The following ABCC4 variants were observed in gnomAD, a reference collection of about 807,000 sequenced individuals.
ABCC4 encodes the protein ATP-binding cassette sub-family C member 4.
A neutral mutation model predicts 168.5 loss-of-function variants in ABCC4; 102 were observed. The observed-to-expected ratio is 0.61, with a 90% CI of 0.52 to 0.71. The LOEUF (loss-of-function observed/expected upper bound fraction) is 0.71. Among genes scored for constraint, ABCC4 ranks in the 30% least tolerant of loss-of-function variants. The pLI, the probability that ABCC4 is intolerant of heterozygous loss-of-function variation, is 0.00. For synonymous variants in ABCC4, 617 were observed against 590.7 expected (o/e 1.04, Z -0.65); for missense variants, 1,402 against 1,605.8 (o/e 0.87, Z 2.17).
intron 1 of ABCC4, among the ~76,000 whole-genome samples, chr13:95,266,666 G>A (rs566112234): frequency 3.3e-5 from 5 of 152,144 alleles, no homozygotes; most frequent in South Asian, 2.1e-4. Context: ...ACCAACAAGC[G>A]ACAGGCTCTC....
intron 19 of ABCC4, among the ~76,000 whole-genome samples, chr13:95,140,855 A>T (rs2036296466): frequency 6.6e-6 from 1 of 152,206 alleles, no homozygotes; most frequent in Non-Finnish European, 1.5e-5. Flanking sequence ...AACCTACAGG[A>T]ACAAATATTC....
rs982855138 is a variant in ABCC4, at chr13:95,115,827, G to A, written c.2535+95C>T. On this transcript the variant is annotated intron_variant, in intron 20 of 30. Coordinates refer to ENST00000645237, the MANE Select transcript of ABCC4 (RefSeq NM_005845.5). ...TTAAGTTAACATTACACACAGCCAG[G>A]CCGAGAGTCCCACCCCCAGACCCCA... The A allele has an allele frequency of 2.2e-5, 21 of 954,188 alleles. No individual in the cohort carries two copies. In the African/African-American group the frequency reaches 3.5e-4, roughly 16 times the overall value. The allele number at this position is 954,188 out of a possible 1,614,324, so 59.1% of individuals were successfully genotyped here.
At chr13:95,160,508 G>A (rs1365247344) in intron 19 of ABCC4, among the ~76,000 whole-genome samples, 1 of 152,136 alleles carries the variant, frequency 6.6e-6, no homozygotes, top group African/African-American at 2.4e-5. Context: ...GTATAGTTGG[G>A]TATACCTAGG....
At chr13:95,213,136 A>AG (rs973424016) in intron 4 of ABCC4, among the ~76,000 whole-genome samples, 7 of 151,412 alleles carry the variant, frequency 4.6e-5, no homozygotes, top group African/African-American at 1.7e-4. Flanking sequence ...TAAAAAAAAA[A>AG]AAAGAGGAAG....
intron 8 of ABCC4, among the ~76,000 whole-genome samples, chr13:95,200,450 G>T (rs891092301): frequency 8.5e-5 from 13 of 152,156 alleles, no homozygotes; most frequent in African/African-American, 3.1e-4. Context: ...TGGGCTGAGC[G>T]CAATGGCTCA....
intron 19 of ABCC4, among the ~76,000 whole-genome samples, chr13:95,133,378 A>C (rs909826776): frequency 6.6e-6 from 1 of 152,012 alleles, no homozygotes; most frequent in Non-Finnish European, 1.5e-5. Context: ...CCTCCCAAAA[A>C]GGTGGGATTA....
chr13:95,207,274 C>T (rs796435207), intron 7 of ABCC4, among the ~76,000 whole-genome samples: 2 of 152,116 alleles, frequency 1.3e-5, no homozygotes, highest in Non-Finnish European at 1.5e-5. Flanking sequence ...GTGATCCACC[C>T]GCCTCAGCCT....
chr13:95,068,096 G>C (rs2033608071), intron 25 of ABCC4, among the ~76,000 whole-genome samples: 1 of 152,172 alleles, frequency 6.6e-6, no homozygotes, highest in African/African-American at 2.4e-5. Context: ...AATTGAAAGA[G>C]AATGAAGCCC....
At chr13:95,032,289 C>A (rs1241387319) in intron 30 of ABCC4, among the ~76,000 whole-genome samples, 4 of 152,206 alleles carry the variant, frequency 2.6e-5, no homozygotes, top group Non-Finnish European at 4.4e-5. Context: ...ATGCCTCAGC[C>A]TCTTAAACAG....
At chr13:95,035,314 A>G (rs1026940196) in intron 29 of ABCC4, among the ~76,000 whole-genome samples, 1 of 152,184 alleles carries the variant, frequency 6.6e-6, no homozygotes, top group African/African-American at 2.4e-5. Context: ...CTGGATGGTG[A>G]GGTTAAGGTG....
chr13:95,125,463 T>A (rs2139435598), intron 19 of ABCC4, among the ~76,000 whole-genome samples: 1 of 152,158 alleles, frequency 6.6e-6, no homozygotes, highest in South Asian at 2.1e-4. Flanking sequence ...AGTAAAACAT[T>A]TAAAATAACT....
intron 20 of ABCC4, among the ~76,000 whole-genome samples, chr13:95,111,819 G>A (rs1210739435): frequency 1.3e-5 from 2 of 152,144 alleles, no homozygotes; most frequent in African/African-American, 4.8e-5. Context: ...ATTTCATCGG[G>A]AGAGTAATAA....
intron 29 of ABCC4, among the ~76,000 whole-genome samples, chr13:95,037,084 C>CAAAAAA (rs57294033): frequency 0.075 from 7,945 of 105,276 alleles, 197 homozygotes; most frequent in Admixed American, 0.11. Context: ...ACTCTGTGTC[C>CAAAAAA]AAAAAAAAAA....
chr13:95,098,883 G>A (rs755900769), intron 20 of ABCC4, among the ~76,000 whole-genome samples: 2 of 152,120 alleles, frequency 1.3e-5, no homozygotes, highest in Non-Finnish European at 2.9e-5. Context: ...ACTAAATGTT[G>A]GCGAGGATGT....
intron 30 of ABCC4, among the ~76,000 whole-genome samples, chr13:95,025,525 G>A (rs572078695): frequency 1.5e-5 from 1 of 64,562 alleles, no homozygotes; most frequent in South Asian, 6.4e-4. Flanking sequence ...CACACACGCA[G>A]CCTCTCTGGG....
intron 1 of ABCC4, among the ~76,000 whole-genome samples, chr13:95,281,016 T>C (rs2096472257): frequency 6.6e-6 from 1 of 152,084 alleles, no homozygotes; most frequent in Non-Finnish European, 1.5e-5. Flanking sequence ...TCTCTTTTCT[T>C]TTAATACTGG....
At chr13:95,024,733 C>A (rs1251957547) in intron 30 of ABCC4, among the ~76,000 whole-genome samples, 2 of 152,112 alleles carry the variant, frequency 1.3e-5, no homozygotes, top group African/African-American at 4.8e-5. Context: ...AATTGGCATG[C>A]ATATTGTCAA....
chr13:95,219,569 T>A (rs1009604564), intron 4 of ABCC4, among the ~76,000 whole-genome samples: 1 of 152,184 alleles, frequency 6.6e-6, no homozygotes, highest in African/African-American at 2.4e-5. Flanking sequence ...TTAAGTGGCA[T>A]GATCGCAGCT....
chr13:95,033,791 A>C (rs906257751), intron 30 of ABCC4, among the ~76,000 whole-genome samples: 1 of 151,522 alleles, frequency 6.6e-6, no homozygotes, highest in Non-Finnish European at 1.5e-5. Context: ...CCTCCTGAGT[A>C]GCTGGGGTTA....
Sources: allele counts gnomAD v4.1 joint callset (sites outside exome capture counted in the v4.1 genomes callset), GRCh38; gene constraint gnomAD v4.1.1; transcripts MANE v1.5; gene names NCBI Gene and HGNC (gene_info 2026-07-23, HGNC 2026-07-21).